LIMCH1: variants seen among roughly 807,000 people sequenced by gnomAD.
LIMCH1 encodes LIM and calponin homology domains-containing protein 1.
LIMCH1 carries 113 observed loss-of-function variants against 176.5 expected under a neutral mutation model. The ratio of observed to expected loss-of-function variants is 0.64; its 90% CI spans 0.55 to 0.75. The LOEUF (loss-of-function observed/expected upper bound fraction) is 0.75. Among genes scored for constraint, LIMCH1 ranks in the 30% least tolerant of loss-of-function variants. The pLI is 0.00. For synonymous variants in LIMCH1, 619 were observed against 645.9 expected (o/e 0.96, Z 0.63); for missense variants, 1,674 against 1,814.9 (o/e 0.92, Z 1.41).
chr4:41,582,656 G>A (rs6848225), intron 1 of LIMCH1, among the ~76,000 whole-genome samples: 7,738 of 152,122 alleles, frequency 0.051, 519 homozygotes, highest in African/African-American at 0.16. Flanking sequence ...CTGGAAAATG[G>A]GGATAATAAT....
intron 1 of LIMCH1, among the ~76,000 whole-genome samples, chr4:41,488,332 C>A (rs1242375227): frequency 1.3e-5 from 2 of 152,154 alleles, no homozygotes; most frequent in Non-Finnish European, 2.9e-5. Context: ...GCAGAAAAAT[C>A]ATGGACAGAT....
chr4:41,419,608 T>TTTCTTCCTCCTTCCG (rs2060318848), intron 1 of LIMCH1, among the ~76,000 whole-genome samples: 4 of 53,526 alleles, frequency 7.5e-5, no homozygotes, highest in African/African-American at 5.6e-4. Flanking sequence ...CCTTCCGTCC[T>TTTCTTCCTCCTTCCG]TCCTTCCTTC....
chr4:41,649,428 G>T (rs904917215), intron 17 of LIMCH1, among the ~76,000 whole-genome samples: 1 of 151,946 alleles, frequency 6.6e-6, no homozygotes, highest in Non-Finnish European at 1.5e-5. Flanking sequence ...TAAATAAGAG[G>T]CCTAATGATA....
intron 1 of LIMCH1, among the ~76,000 whole-genome samples, chr4:41,486,253 G>A (rs1214759775): frequency 1.3e-5 from 2 of 152,142 alleles, no homozygotes; most frequent in African/African-American, 4.8e-5. Context: ...GTTCTCCTAA[G>A]CTTCCCATCC....
chr4:41,474,251 G>C (rs2067401003), intron 1 of LIMCH1, among the ~76,000 whole-genome samples: 1 of 152,078 alleles, frequency 6.6e-6, no homozygotes, highest in Non-Finnish European at 1.5e-5. Context: ...CACTTTGGGA[G>C]GCTGAGGCAG....
chr4:41,550,752 A>G (rs1010043372), intron 1 of LIMCH1, among the ~76,000 whole-genome samples: 4 of 152,186 alleles, frequency 2.6e-5, no homozygotes, highest in African/African-American at 9.7e-5. Flanking sequence ...AAGATTAGAG[A>G]ATTAATGAAT....
chr4:41,380,677 G>C (rs1250661135), intron 1 of LIMCH1, among the ~76,000 whole-genome samples: 1 of 152,112 alleles, frequency 6.6e-6, no homozygotes, highest in Non-Finnish European at 1.5e-5. Flanking sequence ...AGCCAGGGTG[G>C]AGAACACAGC....
At chr4:41,423,525 T>G (rs1581928379) in intron 1 of LIMCH1, among the ~76,000 whole-genome samples, 2 of 144,180 alleles carry the variant, frequency 1.4e-5, no homozygotes, top group African/African-American at 2.6e-5. Flanking sequence ...GGAGGGGAGG[T>G]GAGAAGCTAT....
chr4:41,487,938 A>G (rs1340104220), intron 1 of LIMCH1, among the ~76,000 whole-genome samples: 1 of 147,230 alleles, frequency 6.8e-6, no homozygotes, highest in South Asian at 2.1e-4. Flanking sequence ...TTTTCTATAG[A>G]TTCTTAATAG....
rs749186052 is a variant in LIMCH1 at position 41,632,838 on chromosome 4, T to C, written c.1691T>C (p.Leu564Ser). ...PESQEEWVCS[L>S]GECPRGTEEV... ...TCTCAGGAAGAGTGGGTCTGCAGTT[T>C]GGGCGAGTGCCCGAGGGGGACAGAG... Residue 564 changes from leucine to serine, a missense_variant, in exon 11 of 32, where the codon TTG (leucine) becomes TCG (serine). By Grantham distance (145) the Leu-to-Ser change is moderately radical. Transcript: ENST00000503057. 5.0e-5 allele frequency: 77 copies of C among 1,536,098 alleles called. No individual in the cohort carries two copies. The highest frequency in any genetic ancestry group is 6.4e-5 in the Non-Finnish European group (73 of 1,146,918).
Position 41,629,609 on chromosome 4 carries a change from G to T in LIMCH1, c.1146G>T (p.Leu382=), listed in dbSNP as rs2093191899. The T allele has an allele frequency of 2.6e-6, 4 of 1,535,980 alleles. No homozygotes were observed. The highest frequency in any genetic ancestry group is 3.5e-6 in the Non-Finnish European group (4 of 1,146,922). The change falls in exon 9 of 32, where the codon CTG becomes CTT. Residue 382 remains leucine (L), a synonymous_variant. Transcript: ENST00000503057. ...TGCCAGATCTTCACAAGGATGACCT[G>T]GCCCAGCAGAGAATTCAGGGCAGCC... is the stretch of plus-strand genomic sequence containing the variant. ...RKVPDLHKDD[L]AQQRIQGSLA...
chr4:41,565,816 G>T (rs922339844), intron 1 of LIMCH1, among the ~76,000 whole-genome samples: 5 of 152,156 alleles, frequency 3.3e-5, no homozygotes, highest in Non-Finnish European at 1.5e-5. Context: ...CTGGACCAGG[G>T]TAGGTATCCC....
chr4:41,372,005 T>C (rs751504504), intron 1 of LIMCH1, among the ~76,000 whole-genome samples: 2 of 152,220 alleles, frequency 1.3e-5, no homozygotes, highest in Non-Finnish European at 2.9e-5. Flanking sequence ...ATAGCAGTAG[T>C]TGAAAACAAA....
intron 1 of LIMCH1, among the ~76,000 whole-genome samples, chr4:41,582,418 C>A (rs1183825097): frequency 6.6e-6 from 1 of 152,166 alleles, no homozygotes; most frequent in African/African-American, 2.4e-5. Flanking sequence ...TTATTTATAA[C>A]CTATTGACAT....
At chr4:41,429,049 T>A (rs1422869364) in intron 1 of LIMCH1, among the ~76,000 whole-genome samples, 2 of 152,224 alleles carry the variant, frequency 1.3e-5, no homozygotes, top group Non-Finnish European at 2.9e-5. Flanking sequence ...GAAAGTGGCA[T>A]GCAGCAACGT....
chr4:41,564,303 C>T lies in LIMCH1; in HGVS notation c.-241+25953C>T, dbSNP rs184555805. On this transcript the variant is annotated intron_variant, in intron 1 of 31. Coordinates refer to ENST00000503057, the MANE Select transcript of LIMCH1 (RefSeq NM_001330672.2). ...GGCTTCTCTCACCCATTTGCTCTGG[C>T]GGCAGAAGAGAATTCACATTGAGGC... is the stretch of plus-strand genomic sequence containing the variant. Among the ~76,000 whole-genome samples, 280 of 152,194 alleles carry T rather than the reference C, an allele frequency of 1.8e-3. 1 individual carries two copies. The highest frequency in any genetic ancestry group is 6.4e-3 in the African/African-American group (264 of 41,526).
intron 1 of LIMCH1, among the ~76,000 whole-genome samples, chr4:41,405,395 C>G (rs1328691944): frequency 1.3e-5 from 2 of 152,038 alleles, no homozygotes; most frequent in Non-Finnish European, 2.9e-5. Flanking sequence ...TAAAATTATC[C>G]CAGAGGAGGG....
chr4:41,531,474 TCACACA>T (rs59275736), intron 3 of LIMCH1, among the ~76,000 whole-genome samples: 3,578 of 127,044 alleles, frequency 0.028, 82 homozygotes, highest in Admixed American at 0.076. Context: ...TCTTTCTCTG[TCACACA>T]CACACACACA....
intron 18 of LIMCH1, among the ~76,000 whole-genome samples, chr4:41,657,382 T>G (rs1325312579): frequency 6.6e-6 from 1 of 152,218 alleles, no homozygotes; most frequent in African/African-American, 2.4e-5. Flanking sequence ...GAAGTAATGA[T>G]GTGAGTACAA....
Sources: gnomAD v4.1 joint callset for allele counts (sites outside exome capture counted in the v4.1 genomes callset) on GRCh38, gnomAD v4.1.1 for gene constraint, MANE v1.5 for transcripts, NCBI Gene and HGNC (gene_info 2026-07-23, HGNC 2026-07-21) for gene names.